Variants in KCNMA1 observed in about 807,000 individuals in gnomAD.
KCNMA1 encodes the protein Calcium-activated potassium channel subunit alpha-1.
A neutral mutation model predicts 140.0 loss-of-function variants in KCNMA1; 29 were observed. The ratio of observed to expected loss-of-function variants is 0.21; its 90% CI spans 0.15 to 0.28. The LOEUF (loss-of-function observed/expected upper bound fraction) is 0.28, where lower values mean the gene tolerates loss of function less well. Ranked by LOEUF, KCNMA1 falls within the 10% of genes least tolerant of loss-of-function variation. The pLI is 1.00. For missense variants in KCNMA1, 880 were observed against 1,602.2 expected, an observed-to-expected ratio of 0.55 and a Z score of 7.70; for synonymous variants, 612 against 611.9, an observed-to-expected ratio of 1.00 and a Z score of 0.00.
At chr10:76,974,416 A>G (rs1268514558) in intron 19 of KCNMA1, 4 of 917,742 alleles carry the variant, frequency 4.4e-6, no homozygotes, top group Non-Finnish European at 6.9e-6. Context: ...TGAGCTCAGC[A>G]TGGTAAAGTA....
intron 2 of KCNMA1, among the ~76,000 whole-genome samples, chr10:77,399,045 G>C: frequency 6.6e-6 from 1 of 152,130 alleles, no homozygotes; most frequent in East Asian, 1.9e-4. Flanking sequence ...GGGGTGCAAA[G>C]ACACAGAGCG....
At chr10:76,928,579 ATATT>A (rs551311546) in intron 23 of KCNMA1, among the ~76,000 whole-genome samples, 65 of 152,290 alleles carry the variant, frequency 4.3e-4, no homozygotes, top group African/African-American at 1.5e-3. Context: ...GCTATATATA[ATATT>A]TATATTCCGA....
At chr10:77,401,582 C>A (rs2096268462) in intron 2 of KCNMA1, among the ~76,000 whole-genome samples, 1 of 152,216 alleles carries the variant, frequency 6.6e-6, no homozygotes, top group African/African-American at 2.4e-5. Flanking sequence ...CTGCTCCTCA[C>A]TTTGAAGGCT....
intron 20 of KCNMA1, among the ~76,000 whole-genome samples, chr10:76,954,871 T>C (rs1437402421): frequency 6.6e-6 from 1 of 152,198 alleles, no homozygotes; most frequent in East Asian, 1.9e-4. Context: ...AGAACTGCAA[T>C]GGAATCAGGC....
intron 8 of KCNMA1, among the ~76,000 whole-genome samples, chr10:77,109,069 A>AC (rs1357660930): frequency 2.0e-5 from 3 of 152,026 alleles, no homozygotes; most frequent in Non-Finnish European, 4.4e-5. Context: ...AAAAAAAAAA[A>AC]AACACTGAAA....
chr10:77,109,846 T>C (rs980505125), intron 8 of KCNMA1, among the ~76,000 whole-genome samples: 4 of 152,198 alleles, frequency 2.6e-5, no homozygotes, highest in South Asian at 4.1e-4. Context: ...ACTGTCCTTG[T>C]AGCATACCAG....
chr10:76,946,816 A>G (rs1369809076), intron 22 of KCNMA1, among the ~76,000 whole-genome samples: 1 of 152,218 alleles, frequency 6.6e-6, no homozygotes, highest in African/African-American at 2.4e-5. Flanking sequence ...CGTGATTTCA[A>G]ACTACAAGAA....
At chr10:77,388,606 G>T (rs2095698967) in intron 2 of KCNMA1, among the ~76,000 whole-genome samples, 1 of 152,188 alleles carries the variant, frequency 6.6e-6, no homozygotes, top group South Asian at 2.1e-4. Context: ...AAAGTGGATT[G>T]TTTTTTATAT....
chr10:77,515,876 C>T (rs1051575889), intron 1 of KCNMA1, among the ~76,000 whole-genome samples: 3 of 152,144 alleles, frequency 2.0e-5, no homozygotes, highest in Non-Finnish European at 4.4e-5. Flanking sequence ...TCTGCATGCC[C>T]ACACACAACT....
intron 2 of KCNMA1, among the ~76,000 whole-genome samples, chr10:77,252,940 A>G (rs1428760083): frequency 6.6e-6 from 1 of 151,872 alleles, no homozygotes; most frequent in Non-Finnish European, 1.5e-5. Flanking sequence ...AGTAATTATC[A>G]CCCGCCCAGC....
chr10:77,455,902 A>T (rs1779667598), intron 1 of KCNMA1, among the ~76,000 whole-genome samples: 2 of 152,224 alleles, frequency 1.3e-5, no homozygotes, highest in Admixed American at 1.3e-4. Context: ...CCAAGGAAGC[A>T]CTATTTCCTC....
chr10:76,931,818 A>G (rs753023279), intron 23 of KCNMA1, among the ~76,000 whole-genome samples: 1 of 152,036 alleles, frequency 6.6e-6, no homozygotes, highest in Non-Finnish European at 1.5e-5. Context: ...TTGTTAGTCT[A>G]CCTTACCTGG....
intron 1 of KCNMA1, among the ~76,000 whole-genome samples, chr10:77,591,206 C>T (rs1323870275): frequency 6.6e-6 from 1 of 152,180 alleles, no homozygotes; most frequent in African/African-American, 2.4e-5. Context: ...CAAGATCACT[C>T]ATGTACCAAG....
At chr10:76,937,574 C>A (rs765870397) in intron 23 of KCNMA1, among the ~76,000 whole-genome samples, 2 of 152,204 alleles carry the variant, frequency 1.3e-5, no homozygotes, top group Non-Finnish European at 2.9e-5. Context: ...TTTAGGAAGG[C>A]CCTTTTCGTT....
rs116404309 is a variant in KCNMA1 at position 77,309,995 on chromosome 10, T to C, written c.541-58739A>G. 7.5e-3 allele frequency among the ~76,000 whole-genome samples: 1,140 copies of C among 152,250 alleles called. 15 individuals carry two copies. Among genetic ancestry groups the C allele is most frequent in the African/African-American group, 0.026 (1,067 of 41,552 alleles). ...TGGATAAAGCTTGTGGGGCATGAGA[T>C]TTATGGGTTTGGTGCTGAATTGCAT... On this transcript the variant is annotated intron_variant, in intron 2 of 27. Transcript: ENST00000286628.
intron 1 of KCNMA1, among the ~76,000 whole-genome samples, chr10:77,435,235 G>A (rs1187222567): frequency 2.0e-5 from 3 of 152,022 alleles, no homozygotes; most frequent in Admixed American, 2.0e-4. Context: ...ACTGCACCCA[G>A]CTTAAATAAA....
chr10:76,891,585 A>G lies in KCNMA1; in HGVS notation c.3282T>C (p.Asn1094=), dbSNP rs1187808343. 8 of 1,613,872 alleles carry G rather than the reference A, an allele frequency of 5.0e-6. No homozygotes were observed. Among genetic ancestry groups the G allele is most frequent in the South Asian group, 1.1e-5 (1 of 91,086 alleles). The part of the protein sequence containing the change: ...GGYSTPQTLA[N]RDRCRVAQLA... ...ACTGGGCCACGCGGCAGCGGTCCCTATTGGCCAGTGTCTGCGGGGTGCTGT... is the reference window on the plus strand; with the variant it reads ...ACTGGGCCACGCGGCAGCGGTCCCTGTTGGCCAGTGTCTGCGGGGTGCTGT... The change falls in exon 26 of 28, where the codon AAT becomes AAC. Residue 1094 remains asparagine (N), a synonymous_variant. Transcript: ENST00000286628.
At chr10:77,157,923 G>T (rs1422856907) in intron 5 of KCNMA1, among the ~76,000 whole-genome samples, 1 of 152,180 alleles carries the variant, frequency 6.6e-6, no homozygotes. Flanking sequence ...TTAGCGATGG[G>T]CTGCCTCCTT....
intron 1 of KCNMA1, among the ~76,000 whole-genome samples, chr10:77,409,379 G>C (rs951907768): frequency 6.6e-6 from 1 of 152,204 alleles, no homozygotes; most frequent in African/African-American, 2.4e-5. Context: ...AAAGCCACAA[G>C]CTCAGGGCCA....
Sources: gnomAD v4.1 joint callset for allele counts (sites outside exome capture counted in the v4.1 genomes callset) on GRCh38, gnomAD v4.1.1 for gene constraint, MANE v1.5 for transcripts, NCBI Gene and HGNC (gene_info 2026-07-23, HGNC 2026-07-21) for gene names.